Variants in NCOA2 observed in about 807,000 individuals in gnomAD.
NCOA2 encodes nuclear receptor coactivator 2.
In NCOA2, 21 loss-of-function variants were observed where a neutral mutation model predicts 145.1. The observed-to-expected ratio is 0.14, with a 90% CI of 0.10 to 0.21. The LOEUF (loss-of-function observed/expected upper bound fraction) is 0.21, where lower values mean the gene tolerates loss of function less well. Among genes scored for constraint, NCOA2 ranks in the 10% least tolerant of loss-of-function variants. The pLI is 1.00. For synonymous variants in NCOA2, 619 were observed against 637.5 expected, an observed-to-expected ratio of 0.97 and a Z score of 0.44; for missense variants, 1,472 against 1,837.6, an observed-to-expected ratio of 0.80 and a Z score of 3.64.
the NCOA2 span, among the ~76,000 whole-genome samples, chr8:70,410,484 C>T: frequency 6.6e-6 from 1 of 152,212 alleles, no homozygotes; most frequent in Middle Eastern, 3.4e-3. Context: ...GTGTGTGCCA[C>T]CACACCTGGC....
In NCOA2 at chr8:70,137,962, A is replaced by T. The variant is rs192487543; in HGVS notation, c.3158+241T>A. On this transcript the variant is annotated intron_variant, in intron 15 of 22. Transcript: ENST00000452400. ...ATGGCTTATGATTTTTATACCACAC[A>T]CTACCTCAATATTACAGTTATCAGC... is the stretch of plus-strand genomic sequence containing the variant. 71 of 331,806 alleles carry T rather than the reference A, an allele frequency of 2.1e-4. No homozygotes were observed. In the East Asian group the frequency reaches 3.4e-3, roughly 16 times the overall value. 20.6% of individuals were successfully genotyped at this position (331,806 alleles called of 1,614,324 possible).
At chr8:70,164,372 C>G (rs1366152326) in intron 7 of NCOA2, among the ~76,000 whole-genome samples, 4 of 152,222 alleles carry the variant, frequency 2.6e-5, no homozygotes, top group African/African-American at 9.6e-5. Flanking sequence ...TGTCAAAAAA[C>G]TTAAGTAATC....
intron 1 of NCOA2, among the ~76,000 whole-genome samples, chr8:70,385,038 T>A (rs551276133): frequency 6.6e-6 from 1 of 152,344 alleles, no homozygotes; most frequent in African/African-American, 2.4e-5. Context: ...GAGTGCTGCA[T>A]CACCCATTGC....
chr8:70,231,418 G>A lies in NCOA2; in HGVS notation c.-19-14654C>T, dbSNP rs566441483. On this transcript the variant is annotated intron_variant, in intron 2 of 22. Coordinates refer to ENST00000452400, the MANE Select transcript of NCOA2 (RefSeq NM_006540.4). ...TAGGCATGTGATGTAATGCTGTTGT[G>A]CAGATGAAAGCAAAATGTGGGTTCC... Among the ~76,000 whole-genome samples the A allele has an allele frequency of 9.8e-4, 150 of 152,338 alleles. 6 individuals are homozygous for A. In the South Asian group the frequency reaches 0.028, roughly 29 times the overall value.
chr8:70,353,057 T>C (rs1005359795), intron 1 of NCOA2, among the ~76,000 whole-genome samples: 22 of 150,632 alleles, frequency 1.5e-4, no homozygotes, highest in African/African-American at 5.3e-4. Flanking sequence ...TTTGAAAATA[T>C]TAGGTTGTTA....
intron 15 of NCOA2, among the ~76,000 whole-genome samples, chr8:70,135,871 C>T (rs1039571949): frequency 1.3e-5 from 2 of 152,088 alleles, no homozygotes; most frequent in African/African-American, 4.8e-5. Context: ...TATTTATGGA[C>T]TAGTAGGTCA....
chr8:70,227,479 G>A (rs191945176), intron 2 of NCOA2, among the ~76,000 whole-genome samples: 84 of 152,180 alleles, frequency 5.5e-4, no homozygotes, highest in Middle Eastern at 3.4e-3. Context: ...TCTTTTCTCT[G>A]TTTTCCACCA....
chr8:70,441,204 C>T, the NCOA2 span, among the ~76,000 whole-genome samples: 10 of 139,608 alleles, frequency 7.2e-5, no homozygotes, highest in Admixed American at 6.0e-4. Context: ...GGGTCATGGT[C>T]ACATGTGGGA....
At chr8:70,140,494 A>T (rs1412735463) in intron 14 of NCOA2, among the ~76,000 whole-genome samples, 1 of 150,454 alleles carries the variant, frequency 6.6e-6, no homozygotes, top group Non-Finnish European at 1.5e-5. Context: ...GGATAGTCTG[A>T]TTTAGTAGTC....
chr8:70,121,459 T>A, intron 21 of NCOA2, 68 bp from the exon 22 acceptor site: 2 of 1,244,200 alleles, frequency 1.6e-6, no homozygotes, highest in Non-Finnish European at 2.3e-6. Context: ...GGAAAACAAG[T>A]GGCCGCCGCC....
intron 1 of NCOA2, among the ~76,000 whole-genome samples, chr8:70,301,042 C>G (rs185007487): frequency 6.6e-6 from 1 of 152,298 alleles, no homozygotes; most frequent in East Asian, 1.9e-4. Flanking sequence ...CCACAAGAGT[C>G]TGACTCTGGA....
chr8:70,210,759 G>GT (rs1375842193), intron 4 of NCOA2, among the ~76,000 whole-genome samples: 4 of 152,134 alleles, frequency 2.6e-5, no homozygotes, highest in African/African-American at 7.2e-5. Context: ...CTGGAGCAGG[G>GT]TTCCATAAAG....
intron 4 of NCOA2, among the ~76,000 whole-genome samples, chr8:70,177,137 T>C (rs1183453825): frequency 6.6e-6 from 1 of 152,226 alleles, no homozygotes; most frequent in Non-Finnish European, 1.5e-5. Context: ...TTCTCCCATC[T>C]TTCAGTAGCA....
chr8:70,336,884 T>C (rs371934554), intron 1 of NCOA2, among the ~76,000 whole-genome samples: 1 of 152,096 alleles, frequency 6.6e-6, no homozygotes, highest in Admixed American at 6.6e-5. Flanking sequence ...CTTTGGACTA[T>C]TGTAAATAAT....
intron 1 of NCOA2, among the ~76,000 whole-genome samples, chr8:70,329,109 C>T (rs1806850539): frequency 6.6e-6 from 1 of 151,964 alleles, no homozygotes; most frequent in Non-Finnish European, 1.5e-5. Flanking sequence ...TGCACACCAC[C>T]ATGCCTGGCT....
chr8:70,336,242 T>C (rs1471720723), intron 1 of NCOA2, among the ~76,000 whole-genome samples: 1 of 152,152 alleles, frequency 6.6e-6, no homozygotes, highest in East Asian at 1.9e-4. Flanking sequence ...ATGATAGGAA[T>C]TTTTAAGTAC....
chr8:70,387,894 G>A (rs1174665644), intron 1 of NCOA2, among the ~76,000 whole-genome samples: 2 of 152,138 alleles, frequency 1.3e-5, no homozygotes, highest in Non-Finnish European at 2.9e-5. Flanking sequence ...CTGCAACCTA[G>A]CCTACATCCC....
intron 1 of NCOA2, among the ~76,000 whole-genome samples, chr8:70,376,715 TAGAC>T (rs1336700412): frequency 2.0e-5 from 3 of 152,222 alleles, no homozygotes; most frequent in Non-Finnish European, 4.4e-5. Flanking sequence ...TCAATTTTCA[TAGAC>T]AGGCAAAATC....
intron 4 of NCOA2, among the ~76,000 whole-genome samples, chr8:70,192,572 G>C (rs1230936889): frequency 6.6e-6 from 1 of 152,226 alleles, no homozygotes; most frequent in Admixed American, 6.5e-5. Flanking sequence ...GGCCTGCAAA[G>C]GGAGGAGCCA....
Sources: allele counts gnomAD v4.1 joint callset (sites outside exome capture counted in the v4.1 genomes callset), GRCh38; gene constraint gnomAD v4.1.1; transcripts MANE v1.5; gene names NCBI Gene and HGNC (gene_info 2026-07-23, HGNC 2026-07-21).